DNAI4: variants seen among roughly 807,000 people sequenced by gnomAD.
The protein encoded by DNAI4 is dynein axonemal intermediate chain 4, also known as WD repeat domain 78.
DNAI4 carries 85 observed loss-of-function variants against 105.8 expected under a neutral mutation model. The ratio of observed to expected loss-of-function variants is 0.80; its 90% confidence interval spans 0.67 to 0.96. The LOEUF is 0.96. Among genes scored for constraint, DNAI4 ranks in the 40% least tolerant of loss-of-function variants. DNAI4 has a pLI of 0.00. For missense variants in DNAI4, 1,014 were observed against 1,005.6 expected (o/e 1.01, Z -0.11); for synonymous variants, 352 against 331.5 (o/e 1.06, Z -0.67).
chr1:66,846,036 A>G (rs945094491), intron 8 of DNAI4, among the ~76,000 whole-genome samples: 1 of 152,192 alleles, frequency 6.6e-6, no homozygotes, highest in Non-Finnish European at 1.5e-5. Flanking sequence ...ATCTTACCTC[A>G]ATAAAACATT....
intron 16 of DNAI4, among the ~76,000 whole-genome samples, chr1:66,819,969 A>G (rs1460164478): frequency 6.6e-6 from 1 of 152,140 alleles, no homozygotes; most frequent in Non-Finnish European, 1.5e-5. Context: ...TGGACAAAAG[A>G]AGAAAAAAAG....
intron 4 of DNAI4, among the ~76,000 whole-genome samples, chr1:66,886,958 A>C (rs1647223717): frequency 6.6e-6 from 1 of 150,680 alleles, no homozygotes. Flanking sequence ...TCCCCAGACT[A>C]AGTCTTTGTT....
chr1:66,871,241 T>TA, intron 6 of DNAI4, 129 bp downstream of exon 6: 1 of 684,862 alleles, frequency 1.5e-6, no homozygotes, highest in Non-Finnish European at 2.3e-6. Context: ...AGTGTCCAAC[T>TA]ACTGTTGTGG....
intron 4 of DNAI4, among the ~76,000 whole-genome samples, chr1:66,882,014 C>G (rs1647083521): frequency 6.6e-6 from 1 of 152,174 alleles, no homozygotes; most frequent in Non-Finnish European, 1.5e-5. Flanking sequence ...TTGCGTGCTG[C>G]CATCCATGTG....
At chr1:66,897,631 T>C (rs1648440624) in intron 2 of DNAI4, among the ~76,000 whole-genome samples, 1 of 152,120 alleles carries the variant, frequency 6.6e-6, no homozygotes. Flanking sequence ...CAGAACTACC[T>C]TGGGTCCCCA....
At chr1:66,828,317 A>G (rs1386088148) in intron 13 of DNAI4, 1 of 152,398 alleles carries the variant, frequency 6.6e-6, no homozygotes, top group African/African-American at 2.4e-5. Flanking sequence ...TTCAAACTAC[A>G]TGATATTGAA....
chr1:66,884,019 C>A (rs1647137685), intron 4 of DNAI4, among the ~76,000 whole-genome samples: 1 of 152,186 alleles, frequency 6.6e-6, no homozygotes, highest in Non-Finnish European at 1.5e-5. Flanking sequence ...TACCATTCTA[C>A]ATTCCACCTC....
chr1:66,877,063 T>C (rs1646973606), intron 4 of DNAI4, among the ~76,000 whole-genome samples: 1 of 152,198 alleles, frequency 6.6e-6, no homozygotes, highest in East Asian at 1.9e-4. Flanking sequence ...TATTTTTCAA[T>C]TAATTCAGAA....
At chr1:66,837,379 A>AC (rs1646048812) in intron 10 of DNAI4, among the ~76,000 whole-genome samples, 2 of 151,810 alleles carry the variant, frequency 1.3e-5, no homozygotes, top group South Asian at 2.1e-4. Flanking sequence ...AAAAAAAAAA[A>AC]AAAAACATAA....
intron 14 of DNAI4, among the ~76,000 whole-genome samples, chr1:66,827,368 T>G (rs1645776955): frequency 6.6e-6 from 1 of 152,084 alleles, no homozygotes; most frequent in East Asian, 1.9e-4. Context: ...ACAAGATATA[T>G]AGCCAGGTGC....
At chr1:66,871,557 C>T in intron 5 of DNAI4, 48 bp from the exon 6 acceptor site, 1 of 1,460,178 alleles carries the variant, frequency 6.8e-7, no homozygotes, top group South Asian at 1.4e-5. Context: ...ATCATCACCA[C>T]ACGTATTATC....
chr1:66,916,893 T>G (rs1650111620), intron 1 of DNAI4, among the ~76,000 whole-genome samples: 1 of 152,060 alleles, frequency 6.6e-6, no homozygotes, highest in Admixed American at 6.5e-5. Context: ...TTTTGCCTTT[T>G]TTTTTTAATT....
At position 66,868,154 on chromosome 1, in the gene DNAI4, G is replaced by A. The variant is rs910610954; in HGVS notation, c.940+3216C>T. Among the ~76,000 whole-genome samples the A allele has an allele frequency of 7.2e-5, 11 of 152,250 alleles. 2 individuals are homozygous for A. The highest frequency in any genetic ancestry group is 1.3e-4 in the Admixed American group (2 of 15,298). ...ACTCCTAGAATAAGTTGTTGCTATA[G>A]GGATTCCTAATGCCTTGAGGGTTCA... On this transcript the variant is annotated intron_variant, in intron 6 of 16. Coordinates refer to ENST00000371026, the MANE Select transcript of DNAI4 (RefSeq NM_024763.5).
chr1:66,890,944 G>A lies in DNAI4; in HGVS notation c.643+210C>T, dbSNP rs559352094. The A allele has an allele frequency of 1.4e-5, 8 of 570,118 alleles. No individual in the cohort carries two copies. The highest frequency in any genetic ancestry group is 3.1e-5 in the East Asian group (1 of 31,748). The allele number at this position is 570,118 out of a possible 1,614,324, so 35.3% of individuals were successfully genotyped here. A position where few individuals can be genotyped will look rare whatever the true frequency, so the allele number is the denominator to read the frequency against. On this transcript the variant is annotated intron_variant, in intron 4 of 16. Coordinates refer to ENST00000371026, the MANE Select transcript of DNAI4 (RefSeq NM_024763.5). This position sits in a 1 kb window ranked among gnomAD's most constrained non-coding sequence, Gnocchi z 4.1. ...CAGCAGCTGAGCTCTAACACAAAGC[G>A]CCATTGGTTCCTCAGGCTGATGATT...
chr1:66,835,193 CAGATAGATAGATAGATAGAT>C (rs57056257), intron 11 of DNAI4, among the ~76,000 whole-genome samples: 15,399 of 136,078 alleles, frequency 0.11, 907 homozygotes, highest in Non-Finnish European at 0.15. Flanking sequence ...CCTCCTTAGA[CAGATAGATAGATAGATAGAT>C]AGATAGATAG....
chr1:66,904,821 A>T (rs1649116131), intron 2 of DNAI4: 2 of 195,166 alleles, frequency 1.0e-5, no homozygotes, highest in Non-Finnish European at 1.0e-5. Context: ...TAAAAGAGTC[A>T]ATTCTTAATT....
At chr1:66,845,450 C>A (rs1432763339) in intron 8 of DNAI4, among the ~76,000 whole-genome samples, 1 of 152,096 alleles carries the variant, frequency 6.6e-6, no homozygotes. Flanking sequence ...AAAAGTATTT[C>A]ACTGTTTCTT....
chr1:66,907,032 T>G (rs1649307512), intron 1 of DNAI4: 1 of 152,180 alleles, frequency 6.6e-6, no homozygotes, highest in African/African-American at 2.4e-5. Context: ...CATAAAATTA[T>G]GCCCCAATCA....
intron 2 of DNAI4, among the ~76,000 whole-genome samples, chr1:66,901,911 A>C (rs1394215823): frequency 6.6e-6 from 1 of 152,160 alleles, no homozygotes; most frequent in African/African-American, 2.4e-5. Context: ...GCATCTAGGC[A>C]TCTAGGACTA....
Sources: gnomAD v4.1 joint callset for allele counts (sites outside exome capture counted in the v4.1 genomes callset) on GRCh38, gnomAD v4.1.1 for gene constraint, Gnocchi (gnomAD v3.1) non-coding constraint, MANE v1.5 for transcripts, NCBI Gene and HGNC (gene_info 2026-07-23, HGNC 2026-07-21) for gene names.